PDE12: variants seen among roughly 807,000 people sequenced by gnomAD.
PDE12 encodes 2',5'-phosphodiesterase 12.
PDE12 carries 26 observed loss-of-function variants against 45.4 expected under a neutral mutation model. The ratio of observed to expected loss-of-function variants is 0.57; its 90% CI spans 0.42 to 0.79. The LOEUF is 0.79. Among genes scored for constraint, PDE12 ranks in the 30% least tolerant of loss-of-function variants. The pLI is 0.00. For synonymous variants in PDE12, 283 were observed against 323.9 expected (o/e 0.87, Z 1.36); for missense variants, 668 against 790.0 (o/e 0.85, Z 1.85).
At chr3:57,639,866 C>T in the PDE12 span, among the ~76,000 whole-genome samples, 1 of 151,112 alleles carries the variant, frequency 6.6e-6, no homozygotes, top group African/African-American at 2.5e-5. Context: ...ATCCTTGATT[C>T]TAATACTTCC....
At chr3:57,584,348 A>G in the PDE12 span, 13 of 1,473,874 alleles carry the variant, frequency 8.8e-6, no homozygotes, top group South Asian at 8.1e-5. Flanking sequence ...ACTTTACAAC[A>G]TATCATGATA....
chr3:57,600,499 C>T, the PDE12 span, among the ~76,000 whole-genome samples: 34 of 150,058 alleles, frequency 2.3e-4, no homozygotes, highest in Middle Eastern at 3.5e-3. Flanking sequence ...CCTCCCCTCC[C>T]TTTTTCCTCC....
At chr3:57,646,386 A>G in the PDE12 span, 15 of 1,614,038 alleles carry the variant, frequency 9.3e-6, no homozygotes, top group East Asian at 3.1e-4. Context: ...GGCTCCCCCA[A>G]CAGCACCAGC....
rs1274792422 is a variant in PDE12, at chr3:57,564,081, C to G, written c.*4077C>G. The G allele has an allele frequency of 6.6e-6, 1 of 152,074 alleles. No individual in the cohort carries two copies. Among genetic ancestry groups the G allele is most frequent in the South Asian group, 2.1e-4 (1 of 4,828 alleles). 9.4% of individuals were successfully genotyped at this position (152,074 alleles called of 1,614,324 possible). A position where few individuals can be genotyped will look rare whatever the true frequency, so the allele number is the denominator to read the frequency against. ...TAGCACTAACTTCAAAATAACCATACAGTACTGCTTGTAATTTTTGTATTT... is the reference window on the plus strand; with the variant it reads ...TAGCACTAACTTCAAAATAACCATAGAGTACTGCTTGTAATTTTTGTATTT... On this transcript the variant is annotated 3_prime_UTR_variant, in exon 3 of 3. Transcript: ENST00000311180.
chr3:57,587,648 G>A, the PDE12 span, among the ~76,000 whole-genome samples: 6 of 152,024 alleles, frequency 3.9e-5, no homozygotes, highest in East Asian at 1.2e-3. Flanking sequence ...GAAGACGACT[G>A]CTTGAGGGCT....
intron 1 of PDE12, 92 bp downstream of exon 1, chr3:57,557,779 A>G: frequency 8.9e-7 from 1 of 1,129,824 alleles, no homozygotes; most frequent in Non-Finnish European, 1.3e-6. Context: ...GTGCGATGAA[A>G]GTATCCAGAT....
chr3:57,648,930 G>GA, the PDE12 span, among the ~76,000 whole-genome samples: 30 of 152,104 alleles, frequency 2.0e-4, 1 homozygote, highest in East Asian at 5.4e-3. Flanking sequence ...GATAACATTG[G>GA]AAAAAACCCA....
At chr3:57,592,225 A>G in the PDE12 span, among the ~76,000 whole-genome samples, 10 of 152,292 alleles carry the variant, frequency 6.6e-5, no homozygotes, top group East Asian at 1.7e-3. Flanking sequence ...ACGGTGACTC[A>G]TGCCTGTAAT....
Position 57,557,018 on chromosome 3 carries a change from C to T in PDE12, c.639C>T (p.Pro213=), listed in dbSNP as rs747924569. ...PGAAEPEVGV[P]SSLSPSSPSS... ...CGGCGGAGCCCGAGGTCGGTGTCCC[C>T]TCGTCATTGTCTCCCTCCTCACCTT... The change falls in exon 1 of 3, where the codon CCC becomes CCT. Residue 213 remains proline (P), a synonymous_variant. Coordinates refer to ENST00000311180, the MANE Select transcript of PDE12 (RefSeq NM_177966.7). 6.2e-7 allele frequency: 1 copy of T among 1,614,132 alleles called. No individual in the cohort carries two copies. Among genetic ancestry groups the T allele is most frequent in the Non-Finnish European group, 8.5e-7 (1 of 1,180,028 alleles).
the PDE12 span, among the ~76,000 whole-genome samples, chr3:57,603,009 A>C: frequency 8.9e-3 from 1,345 of 151,956 alleles, 20 homozygotes; most frequent in African/African-American, 0.03. Flanking sequence ...TCTACTAAAA[A>C]TACAAAAATT....
the PDE12 span, among the ~76,000 whole-genome samples, chr3:57,576,459 T>TA: frequency 2.0e-5 from 3 of 151,488 alleles, no homozygotes; most frequent in Admixed American, 6.6e-5. Flanking sequence ...TATGCACATT[T>TA]AAAAAGGATG....
At chr3:57,608,731 C>T in the PDE12 span, among the ~76,000 whole-genome samples, 2 of 152,124 alleles carry the variant, frequency 1.3e-5, no homozygotes, top group Admixed American at 6.6e-5. Context: ...CACCCAGATT[C>T]ATAAAGCAAG....
At chr3:57,651,311 A>G in the PDE12 span, among the ~76,000 whole-genome samples, 1 of 152,244 alleles carries the variant, frequency 6.6e-6, no homozygotes, top group Admixed American at 6.5e-5. Flanking sequence ...TGGGTTTAAC[A>G]GGACATAACC....
chr3:57,621,734 A>G, the PDE12 span, among the ~76,000 whole-genome samples: 1 of 152,174 alleles, frequency 6.6e-6, no homozygotes. Flanking sequence ...CAACACTTAA[A>G]AGAACAAATT....
the PDE12 span, among the ~76,000 whole-genome samples, chr3:57,614,310 A>G: frequency 6.6e-6 from 1 of 152,178 alleles, no homozygotes. Flanking sequence ...CATACAAAGT[A>G]TGTTCACAGA....
chr3:57,561,103 G>C lies in PDE12; in HGVS notation c.*1099G>C, dbSNP rs571858051. 2.2e-5 allele frequency: 22 copies of C among 984,406 alleles called. No homozygotes were observed. The East Asian group carries it at 1.4e-3, about 61-fold the overall frequency. 61.0% of individuals were successfully genotyped at this position (984,406 alleles called of 1,614,324 possible). A position where few individuals can be genotyped will look rare whatever the true frequency, so the allele number is the denominator to read the frequency against. The stretch of plus-strand genomic sequence containing the variant: ...GCAAGCACAATTTAGTATTCAAAGT[G>C]AGTAGCAACATATTCAACTTGATCC... On this transcript the variant is annotated 3_prime_UTR_variant, in exon 3 of 3. Coordinates refer to ENST00000311180, the MANE Select transcript of PDE12 (RefSeq NM_177966.7).
the PDE12 span, among the ~76,000 whole-genome samples, chr3:57,599,424 G>A: frequency 6.6e-6 from 1 of 152,134 alleles, no homozygotes. Context: ...TAGGCCTTAT[G>A]TCTGTTTTTA....
At chr3:57,575,743 A>G in the PDE12 span, 1 of 1,472,434 alleles carries the variant, frequency 6.8e-7, no homozygotes, top group East Asian at 2.3e-5. Flanking sequence ...CTTCCTATAT[A>G]TACTTTACTC....
At chr3:57,571,178 G>C (rs908960283), downstream of PDE12, among the ~76,000 whole-genome samples, 2 of 151,972 alleles carry the variant, frequency 1.3e-5, no homozygotes, top group African/African-American at 4.8e-5. Flanking sequence ...AGAAAACTAT[G>C]TTTTTAATAG....
Sources: allele counts gnomAD v4.1 joint callset (sites outside exome capture counted in the v4.1 genomes callset), GRCh38; gene constraint gnomAD v4.1.1; transcripts MANE v1.5; gene names NCBI Gene and HGNC (gene_info 2026-07-23, HGNC 2026-07-21).